PARP1: variants seen among roughly 807,000 people sequenced by gnomAD.
PARP1 encodes poly [ADP-ribose] polymerase 1.
Under a neutral mutation model 118.7 loss-of-function variants are expected in PARP1, and 44 were observed. The observed-to-expected ratio is 0.37, with a 90% CI of 0.29 to 0.48. The LOEUF (loss-of-function observed/expected upper bound fraction) is 0.48. Among genes scored for constraint, PARP1 ranks in the 20% least tolerant of loss-of-function variants. PARP1 has a pLI of 0.99. For synonymous variants in PARP1, 492 were observed against 483.2 expected (o/e 1.02, Z -0.24); for missense variants, 1,100 against 1,272.4 (o/e 0.86, Z 2.06).
intron 4 of PARP1, among the ~76,000 whole-genome samples, chr1:226,389,911 G>A (rs1664790042): frequency 6.6e-6 from 1 of 152,044 alleles, no homozygotes; most frequent in African/African-American, 2.4e-5. Flanking sequence ...AGTCACTGAT[G>A]GTCCTTCCCA....
At chr1:226,379,415 T>A in intron 11 of PARP1, 141 bp from the exon 12 acceptor site, 1 of 1,231,968 alleles carries the variant, frequency 8.1e-7, no homozygotes, top group Non-Finnish European at 1.2e-6. Flanking sequence ...CAAATGTGTG[T>A]TCTCAGGACT....
chr1:226,387,858 T>G (rs1664745769), intron 5 of PARP1, among the ~76,000 whole-genome samples: 1 of 152,250 alleles, frequency 6.6e-6, no homozygotes, highest in South Asian at 2.1e-4. Flanking sequence ...CAGCCAGTTT[T>G]GGTGCATGAC....
In PARP1 at chr1:226,407,998, C is replaced by T; in HGVS notation, c.-69G>A. 1 of 1,601,694 alleles carries T rather than the reference C, an allele frequency of 6.2e-7. No homozygotes were observed. On this transcript the variant is annotated 5_prime_UTR_variant, in exon 1 of 23. Transcript: ENST00000366794. ...ACCTAGAAACACGCTGCCGCCTCGC[C>T]GCCTCGCGTGCGCTCACCCAGCCGC...
chr1:226,370,527 C>G lies in PARP1; in HGVS notation c.2071-10G>C, dbSNP rs149789506. 13 of 1,610,486 alleles carry G rather than the reference C, an allele frequency of 8.1e-6. No individual in the cohort carries two copies. The African/African-American group carries it at 1.7e-4, about 21-fold the overall frequency. ...TCTTCTGAAGGTCGATCTGAGGAGA[C>G]AGGGGATTTCGCTCTGAAAGCTGGG... is the stretch of plus-strand genomic sequence containing the variant. On this transcript the variant is annotated splice_polypyrimidine_tract_variant and intron_variant, in intron 14 of 22. Coordinates refer to ENST00000366794, the MANE Select transcript of PARP1 (RefSeq NM_001618.4).
At chr1:226,365,225 A>G in intron 18 of PARP1, 71 bp from the exon 19 acceptor site, 1 of 1,509,292 alleles carries the variant, frequency 6.6e-7, no homozygotes, top group Non-Finnish European at 9.2e-7. Context: ...GAAAGACAGG[A>G]CTGGATACAC....
chr1:226,369,321 C>T (rs1376815993), intron 15 of PARP1, among the ~76,000 whole-genome samples: 1 of 152,206 alleles, frequency 6.6e-6, no homozygotes, highest in African/African-American at 2.4e-5. Flanking sequence ...TTTCTACAGG[C>T]CAGGCCTGCA....
intron 2 of PARP1, chr1:226,401,880 CA>C: frequency 1.0e-6 from 1 of 984,652 alleles, no homozygotes. Context: ...GAGGTGTTGA[CA>C]AGGAAGAGCC....
intron 1 of PARP1, among the ~76,000 whole-genome samples, chr1:226,403,312 G>A (rs1302639574): frequency 6.6e-6 from 1 of 152,206 alleles, no homozygotes; most frequent in Non-Finnish European, 1.5e-5. Flanking sequence ...CTGAGTAGCT[G>A]GGACTACAGG....
chr1:226,381,832 G>A (rs1664615928), intron 8 of PARP1, among the ~76,000 whole-genome samples: 1 of 152,228 alleles, frequency 6.6e-6, no homozygotes, highest in South Asian at 2.1e-4. Flanking sequence ...AACTGGAGTA[G>A]CTGCAAGGAA....
At position 226,407,800 on chromosome 1, in the gene PARP1, C is replaced by T. The variant is rs1238632554; in HGVS notation, c.120+10G>A. 1.9e-6 allele frequency: 3 copies of T among 1,557,974 alleles called. No homozygotes were observed. Among genetic ancestry groups the T allele is most frequent in the South Asian group, 1.2e-5 (1 of 85,336 alleles). On this transcript the variant is annotated intron_variant, in intron 1 of 22. Coordinates refer to ENST00000366794, the MANE Select transcript of PARP1 (RefSeq NM_001618.4). ...CGTCCCCGCCCCGCCGCCCGCACAG[C>T]GGCCCGCACCTGCACCATGATGGCC...
intron 13 of PARP1, 103 bp downstream of exon 13, chr1:226,377,005 T>TA (rs1291988144): frequency 3.1e-6 from 3 of 981,660 alleles, no homozygotes; most frequent in Non-Finnish European, 4.9e-6. Context: ...CATTTGGTAG[T>TA]ATGTTTACTA....
intron 1 of PARP1, among the ~76,000 whole-genome samples, chr1:226,403,392 C>G (rs184035483): frequency 6.6e-6 from 1 of 152,350 alleles, no homozygotes; most frequent in Non-Finnish European, 1.5e-5. Flanking sequence ...GTTGGCCAGG[C>G]TGGTCTCGAA....
rs749543051 is a variant in PARP1 at position 226,380,181 on chromosome 1, GA to G, written c.1301-18del. 3.1e-6 allele frequency: 5 copies of G among 1,611,290 alleles called. No homozygotes were observed. The African/African-American group carries it at 5.4e-5, about 17-fold the overall frequency. On this transcript the variant is annotated intron_variant, in intron 9 of 22. Coordinates refer to ENST00000366794, the MANE Select transcript of PARP1 (RefSeq NM_001618.4). ...CCACCTCCTCTGTTCAAATTGAAAG[GA>G]AAAAAAACCAAAATACAAGTTTAAA...
chr1:226,386,749 G>GTT (rs1381172365), intron 5 of PARP1, among the ~76,000 whole-genome samples: 2 of 152,172 alleles, frequency 1.3e-5, no homozygotes, highest in Non-Finnish European at 2.9e-5. Flanking sequence ...GAAACACCAG[G>GTT]TAAGAGCCTG....
At chr1:226,365,411 G>C (rs1274906047) in intron 18 of PARP1, among the ~76,000 whole-genome samples, 1 of 152,226 alleles carries the variant, frequency 6.6e-6, no homozygotes, top group Non-Finnish European at 1.5e-5. Flanking sequence ...TTGGACATCT[G>C]ATAATCTATG....
rs774024476 is a variant in PARP1 at position 226,375,202 on chromosome 1, GA to G, written c.1942-849del. 1.2e-4 allele frequency among the ~76,000 whole-genome samples: 19 copies of G among 152,290 alleles called. No homozygotes were observed. In the Middle Eastern group the frequency reaches 0.01, roughly 82 times the overall value. ...GGCTGCTGCTGTCACCTTCATAGTAGACCTACTCTCAGTGTTGAAACACCAT... is the reference window on the plus strand; with the variant it reads ...GGCTGCTGCTGTCACCTTCATAGTAGCCTACTCTCAGTGTTGAAACACCAT... On this transcript the variant is annotated intron_variant, in intron 13 of 22. Coordinates refer to ENST00000366794, the MANE Select transcript of PARP1 (RefSeq NM_001618.4).
At chr1:226,366,262 G>C in intron 17 of PARP1, 1 of 559,682 alleles carries the variant, frequency 1.8e-6, no homozygotes, top group Non-Finnish European at 3.2e-6. Context: ...CATCTACTTG[G>C]GCTGCTAGAG....
intron 20 of PARP1, among the ~76,000 whole-genome samples, chr1:226,363,729 G>A (rs150190649): frequency 7.2e-5 from 11 of 152,322 alleles, no homozygotes; most frequent in African/African-American, 2.2e-4. Context: ...GCCTGGCTGC[G>A]TTCCTGCCCT....
Position 226,370,521 on chromosome 1 carries a change from A to G in PARP1, c.2071-4T>C. On this transcript the variant is annotated splice_region_variant and splice_polypyrimidine_tract_variant and intron_variant, in intron 14 of 22. Transcript: ENST00000366794. The stretch of plus-strand genomic sequence containing the variant: ...AGGGCATCTTCTGAAGGTCGATCTG[A>G]GGAGACAGGGGATTTCGCTCTGAAA... The G allele has an allele frequency of 6.2e-7, 1 of 1,612,224 alleles. No individual in the cohort carries two copies. Among genetic ancestry groups the G allele is most frequent in the Non-Finnish European group, 8.5e-7 (1 of 1,178,384 alleles).
Sources: allele counts gnomAD v4.1 joint callset (sites outside exome capture counted in the v4.1 genomes callset), GRCh38; gene constraint gnomAD v4.1.1; transcripts MANE v1.5; gene names NCBI Gene and HGNC (gene_info 2026-07-23, HGNC 2026-07-21).